Variants in POLR2L observed in about 807,000 individuals in gnomAD.
The protein encoded by POLR2L is DNA-directed RNA polymerases I, II, and III subunit RPABC5.
POLR2L carries 7 observed loss-of-function variants against 6.8 expected under a neutral mutation model. The observed-to-expected ratio is 1.03, with a 90% CI of 0.59 to 1.94. The LOEUF (loss-of-function observed/expected upper bound fraction) is 1.94, where lower values mean the gene tolerates loss of function less well. Ranked by LOEUF, POLR2L falls within the 30% of genes most tolerant of loss-of-function variation. POLR2L has a pLI of 0.00. For missense variants in POLR2L, 93 were observed against 86.7 expected (o/e 1.07, Z -0.29); for synonymous variants, 59 against 39.8 (o/e 1.48, Z -1.82).
At chr11:841,190 GCAGC>G (rs1307835280) in intron 1 of POLR2L, among the ~76,000 whole-genome samples, 2 of 152,248 alleles carry the variant, frequency 1.3e-5, no homozygotes, top group East Asian at 3.8e-4. Flanking sequence ...ACTCAGTCTA[GCAGC>G]CCACTCGCTT....
At position 839,803 on chromosome 11, in the gene POLR2L, A is replaced by G. The variant is rs1433403832; in HGVS notation, c.*569T>C. ...GACTACAGGTGTGAACACTGTGCCC[A>G]GCTAATTTATTAAATTTTGTTGTAG... On this transcript the variant is annotated 3_prime_UTR_variant, in exon 2 of 2. Transcript: ENST00000322028. The G allele has an allele frequency of 6.6e-6, 1 of 152,506 alleles. No individual in the cohort carries two copies. Among genetic ancestry groups the G allele is most frequent in the African/African-American group, 2.4e-5 (1 of 41,446 alleles). 9.4% of individuals were successfully genotyped at this position (152,506 alleles called of 1,614,324 possible).
rs1350788069 is a variant in POLR2L at position 840,004 on chromosome 11, G to C, written c.*368C>G. The C allele has an allele frequency of 5.4e-6, 1 of 186,488 alleles. No individual in the cohort carries two copies. Among genetic ancestry groups the C allele is most frequent in the Non-Finnish European group, 1.1e-5 (1 of 89,480 alleles). The allele number at this position is 186,488 out of a possible 1,614,324, so 11.6% of individuals were successfully genotyped here. A position where few individuals can be genotyped will look rare whatever the true frequency, so the allele number is the denominator to read the frequency against. On this transcript the variant is annotated 3_prime_UTR_variant, in exon 2 of 2. Transcript: ENST00000322028. ...CAGGAGCCTCTCTGCTCAGCCTGAAGAACACCCAGAAGGAGGGAACCTCAA... is the reference window on the plus strand; with the variant it reads ...CAGGAGCCTCTCTGCTCAGCCTGAACAACACCCAGAAGGAGGGAACCTCAA...
intron 1 of POLR2L, 106 bp downstream of exon 1, chr11:842,305 GGCA>G (rs1251336987): frequency 1.5e-6 from 1 of 680,760 alleles, no homozygotes; most frequent in African/African-American, 1.9e-5. Context: ...GCTGGCCTCA[GGCA>G]GCGCTGCGCC....
chr11:840,461 C>T lies in POLR2L; in HGVS notation c.115G>A (p.Gly39Ser). ...YTEGDALDAL[G>S]LKRYCCRRML... ...CGGCGGCAGCAGTAGCGCTTCAGGC[C>T]CAGGGCATCCAGCGCATCCCTGTGT... Residue 39 changes from glycine to serine, a missense_variant, in exon 2 of 2, where the codon GGC (glycine) becomes AGC (serine). Gly to Ser is a moderately conservative substitution (Grantham distance 56). Transcript: ENST00000322028. The T allele has an allele frequency of 6.2e-7, 1 of 1,611,024 alleles. No homozygotes were observed. The highest frequency in any genetic ancestry group is 8.5e-7 in the Non-Finnish European group (1 of 1,179,216).
Position 840,141 on chromosome 11 carries a change from C to T in POLR2L, c.*231G>A. The T allele has an allele frequency of 2.1e-6, 1 of 475,288 alleles. No homozygotes were observed. The highest frequency in any genetic ancestry group is 3.7e-6 in the Non-Finnish European group (1 of 266,974). 29.4% of individuals were successfully genotyped at this position (475,288 alleles called of 1,614,324 possible). Reference sequence around the variant, plus strand: ...TGGCCCAGTCTGCTTCACTGGGCTGCCACAGTGTGAAAGCTGGGCCTAGAC... The same window carrying T: ...TGGCCCAGTCTGCTTCACTGGGCTGTCACAGTGTGAAAGCTGGGCCTAGAC... On this transcript the variant is annotated 3_prime_UTR_variant, in exon 2 of 2. Coordinates refer to ENST00000322028, the MANE Select transcript of POLR2L (RefSeq NM_021128.5).
At chr11:840,688 C>T (rs141804669) in intron 1 of POLR2L, among the ~76,000 whole-genome samples, 46 of 152,314 alleles carry the variant, frequency 3.0e-4, no homozygotes, top group Middle Eastern at 3.4e-3. Context: ...CTGGGTGGAG[C>T]GTGAGGAGCC....
At chr11:841,764 T>C (rs1846975080) in intron 1 of POLR2L, among the ~76,000 whole-genome samples, 1 of 151,638 alleles carries the variant, frequency 6.6e-6, no homozygotes, top group Non-Finnish European at 1.5e-5. Context: ...CCGGGCGTGG[T>C]GGCACACGCC....
rs111280028 is a variant in POLR2L at position 840,203 on chromosome 11, G to A, written c.*169C>T. 1.2e-5 allele frequency: 7 copies of A among 596,350 alleles called. No homozygotes were observed. Among genetic ancestry groups the A allele is most frequent in the African/African-American group, 3.8e-5 (2 of 52,588 alleles). The allele number at this position is 596,350 out of a possible 1,614,324, so 36.9% of individuals were successfully genotyped here. On this transcript the variant is annotated 3_prime_UTR_variant, in exon 2 of 2. Coordinates refer to ENST00000322028, the MANE Select transcript of POLR2L (RefSeq NM_021128.5). The stretch of plus-strand genomic sequence containing the variant: ...CATCCTAGTGAGGGCTGGGACCTTA[G>A]TGGTTCTGAAAGACCTTTACTGGAT...
chr11:840,580 C>CG (rs1228391544), intron 1 of POLR2L, 100 bp from the exon 2 acceptor site: 10 of 598,726 alleles, frequency 1.7e-5, no homozygotes, highest in South Asian at 1.3e-4. Flanking sequence ...CTGGCCTCAC[C>CG]CCCCCCGCCA....
rs753980924 is a variant in POLR2L at position 842,447 on chromosome 11, T to C, written c.62A>G (p.Tyr21Cys). 2 of 1,594,226 alleles carry C rather than the reference T, an allele frequency of 1.3e-6. No individual in the cohort carries two copies. The highest frequency in any genetic ancestry group is 3.4e-5 in the Admixed American group (2 of 58,118). ...GTACTCGGCCTGCAGCAGCCCCAGGTAAGCCTCCCACTTGTTGCCGACGAT... is the reference window on the plus strand; with the variant it reads ...GTACTCGGCCTGCAGCAGCCCCAGGCAAGCCTCCCACTTGTTGCCGACGAT... ...GKIVGNKWEAYLGLLQAEYTE... is the reference protein window; with the variant it reads ...GKIVGNKWEACLGLLQAEYTE... The change falls in exon 1 of 2, where the codon TAC (tyrosine) becomes TGC (cysteine). Residue 21 changes from tyrosine (Y) to cysteine (C), a missense_variant. Transcript: ENST00000322028.
At chr11:840,534 C>T (rs1565121266) in intron 1 of POLR2L, 54 bp from the exon 2 acceptor site, 1 of 1,295,252 alleles carries the variant, frequency 7.7e-7, no homozygotes, top group African/African-American at 1.4e-5. Context: ...TCTGCAAAGG[C>T]CTGGAGCCCA....
At chr11:841,070 CACACCGATGGCTCCA>C (rs746497285) in intron 1 of POLR2L, among the ~76,000 whole-genome samples, 14 of 152,224 alleles carry the variant, frequency 9.2e-5, no homozygotes, top group Non-Finnish European at 1.9e-4. Context: ...AGAAAACTCC[CACACCGATGGCTCCA>C]ATGTGCAGAG....
intron 1 of POLR2L, among the ~76,000 whole-genome samples, chr11:841,905 G>T (rs1031566499): frequency 1.3e-4 from 20 of 152,092 alleles, no homozygotes; most frequent in Admixed American, 5.2e-4. Context: ...TCTCAAAAAA[G>T]AAAAATAAAA....
At position 840,315 on chromosome 11, in the gene POLR2L, G is replaced by T; in HGVS notation, c.*57C>A. The T allele has an allele frequency of 3.5e-6, 4 of 1,130,490 alleles. No homozygotes were observed. The highest frequency in any genetic ancestry group is 5.2e-6 in the Non-Finnish European group (4 of 766,938). The allele number at this position is 1,130,490 out of a possible 1,614,324, so 70.0% of individuals were successfully genotyped here. A position where few individuals can be genotyped will look rare whatever the true frequency, so the allele number is the denominator to read the frequency against. ...CCGGATGCCTCAGCCTCGTGAATTCGGGGCAGGACGCTCAGGGCCCATGGT... is the reference window on the plus strand; with the variant it reads ...CCGGATGCCTCAGCCTCGTGAATTCTGGGCAGGACGCTCAGGGCCCATGGT... On this transcript the variant is annotated 3_prime_UTR_variant, in exon 2 of 2. Coordinates refer to ENST00000322028, the MANE Select transcript of POLR2L (RefSeq NM_021128.5).
chr11:840,709 C>T (rs1053525446), intron 1 of POLR2L, among the ~76,000 whole-genome samples: 3 of 152,244 alleles, frequency 2.0e-5, no homozygotes, highest in Non-Finnish European at 4.4e-5. Context: ...TCCTCTCCCA[C>T]CTACTCTGGC....
chr11:840,580 C>T lies in POLR2L; in HGVS notation c.96-100G>A, dbSNP rs34789402. The T allele has an allele frequency of 3.7e-5, 22 of 598,724 alleles. No homozygotes were observed. In the Admixed American group the frequency reaches 4.8e-4, roughly 13 times the overall value. 37.1% of individuals were successfully genotyped at this position (598,724 alleles called of 1,614,324 possible). On this transcript the variant is annotated intron_variant, in intron 1 of 1. Transcript: ENST00000322028. The stretch of plus-strand genomic sequence containing the variant: ...GCCTCTCACTGCCTGCTGGCCTCAC[C>T]CCCCCCGCCACCGGCAAGGCGAACA...
Position 840,449 on chromosome 11 carries a change from A to G in POLR2L, c.127T>C (p.Tyr43His), listed in dbSNP as rs1404597808. Residue 43 changes from tyrosine (Y) to histidine (H), a missense_variant, in exon 2 of 2, where the codon TAC becomes CAC. Tyr to His is a moderately conservative substitution (Grantham distance 83). Transcript: ENST00000322028. The stretch of plus-strand genomic sequence containing the variant: ...GCCAGCAGCATCCGGCGGCAGCAGT[A>G]GCGCTTCAGGCCCAGGGCATCCAGC... The part of the protein sequence containing the change: ...DALDALGLKR[Y>H]CCRRMLLAHV... 5 of 1,611,932 alleles carry G rather than the reference A, an allele frequency of 3.1e-6. No individual in the cohort carries two copies. The highest frequency in any genetic ancestry group is 1.1e-5 in the South Asian group (1 of 91,062).
chr11:842,502 T>A lies in POLR2L; in HGVS notation c.7A>T (p.Ile3Phe). 6.3e-7 allele frequency: 1 copy of A among 1,576,184 alleles called. No individual in the cohort carries two copies. The highest frequency in any genetic ancestry group is 8.6e-7 in the Non-Finnish European group (1 of 1,163,594). The change falls in exon 1 of 2, where the codon ATC becomes TTC. Residue 3 changes from isoleucine to phenylalanine, a missense_variant. Ile to Phe is a conservative substitution (Grantham distance 21). Coordinates refer to ENST00000322028, the MANE Select transcript of POLR2L (RefSeq NM_021128.5). Reference protein sequence around the residue: MIIPVRCFTCGKI... With the variant: MIFPVRCFTCGKI... The stretch of plus-strand genomic sequence containing the variant: ...CCACAAGTGAAGCAGCGTACAGGGA[T>A]GATCATGGCGGCGGCGCGTCCCAGA...
intron 1 of POLR2L, 135 bp from the exon 2 acceptor site, chr11:840,615 G>A (rs1247611178): frequency 1.4e-5 from 9 of 633,278 alleles, no homozygotes; most frequent in Admixed American, 7.9e-5. Flanking sequence ...AGATTCACCC[G>A]GCTCAGAAGC....
Sources: allele counts gnomAD v4.1 joint callset (sites outside exome capture counted in the v4.1 genomes callset), GRCh38; gene constraint gnomAD v4.1.1; transcripts MANE v1.5; gene names NCBI Gene and HGNC (gene_info 2026-07-23, HGNC 2026-07-21).